The following LHFPL3 variants were observed in gnomAD, a reference collection of about 807,000 sequenced individuals.
LHFPL3 encodes LHFPL tetraspan subfamily member 3 protein.
Under a neutral mutation model 19.3 loss-of-function variants are expected in LHFPL3, and 5 were observed. That is an observed-to-expected ratio of 0.26 (90% CI 0.14 to 0.54). The LOEUF is 0.54. LHFPL3 is among the 20% of genes least tolerant of loss of function. The pLI is 0.94. For synonymous variants in LHFPL3, 133 were observed against 126.2 expected (o/e 1.05, Z -0.36); for missense variants, 249 against 307.4 (o/e 0.81, Z 1.42).
chr7:104,769,494 A>G (rs1794512480), intron 2 of LHFPL3, among the ~76,000 whole-genome samples: 1 of 152,224 alleles, frequency 6.6e-6, no homozygotes. Flanking sequence ...GTTCTGGGGT[A>G]CATGTGCAGA....
At chr7:104,495,571 G>C (rs1462029792) in intron 1 of LHFPL3, among the ~76,000 whole-genome samples, 1 of 152,120 alleles carries the variant, frequency 6.6e-6, no homozygotes, top group East Asian at 1.9e-4. Context: ...TTTTAGTAGA[G>C]ATGGGGTTTC....
intron 1 of LHFPL3, among the ~76,000 whole-genome samples, chr7:104,427,495 A>C (rs549093848): frequency 6.6e-6 from 1 of 152,332 alleles, no homozygotes; most frequent in East Asian, 1.9e-4. Flanking sequence ...CTTCCCTTAA[A>C]GCAGGGCTGA....
chr7:104,776,335 T>C (rs1359972189), intron 2 of LHFPL3, among the ~76,000 whole-genome samples: 2 of 152,220 alleles, frequency 1.3e-5, no homozygotes, highest in East Asian at 3.8e-4. Flanking sequence ...CCCATGGGAC[T>C]CCCCATCCCC....
chr7:104,540,870 C>G (rs183679984), intron 1 of LHFPL3, among the ~76,000 whole-genome samples: 1 of 152,202 alleles, frequency 6.6e-6, no homozygotes, highest in Non-Finnish European at 1.5e-5. Flanking sequence ...CTGTCCATCC[C>G]CACTTCCACT....
intron 1 of LHFPL3, among the ~76,000 whole-genome samples, chr7:104,594,726 T>C (rs1790805188): frequency 6.6e-6 from 1 of 152,212 alleles, no homozygotes; most frequent in Non-Finnish European, 1.5e-5. Context: ...CTTGGAGGCT[T>C]TGTTCATTCC....
chr7:104,626,853 T>C (rs1791554853), intron 1 of LHFPL3, among the ~76,000 whole-genome samples: 1 of 152,178 alleles, frequency 6.6e-6, no homozygotes, highest in South Asian at 2.1e-4. Context: ...ACATCACTTG[T>C]TATTATTTTT....
intron 1 of LHFPL3, among the ~76,000 whole-genome samples, chr7:104,609,936 C>T (rs2115743037): frequency 6.6e-6 from 1 of 152,302 alleles, no homozygotes; most frequent in Admixed American, 6.5e-5. Flanking sequence ...TGAAACTATT[C>T]AAACTATCAA....
chr7:104,619,372 C>G (rs961016355), intron 1 of LHFPL3, among the ~76,000 whole-genome samples: 1 of 152,086 alleles, frequency 6.6e-6, no homozygotes, highest in Non-Finnish European at 1.5e-5. Context: ...TTTAAAACTT[C>G]TAATGTAATG....
At chr7:104,600,393 A>T (rs549548486) in intron 1 of LHFPL3, among the ~76,000 whole-genome samples, 62 of 152,288 alleles carry the variant, frequency 4.1e-4, no homozygotes, top group African/African-American at 1.4e-3. Flanking sequence ...TTTCCATATC[A>T]CTGAGCTAAT....
At chr7:104,413,768 C>G (rs1791573434) in intron 1 of LHFPL3, among the ~76,000 whole-genome samples, 1 of 152,158 alleles carries the variant, frequency 6.6e-6, no homozygotes, top group Non-Finnish European at 1.5e-5. Context: ...CATAGAAATA[C>G]AATCTCACAT....
At chr7:104,677,128 C>T (rs1352146669) in intron 1 of LHFPL3, among the ~76,000 whole-genome samples, 2 of 152,164 alleles carry the variant, frequency 1.3e-5, no homozygotes, top group East Asian at 3.8e-4. Context: ...GTAATCTCAG[C>T]ACTTTGGGAG....
intron 1 of LHFPL3, among the ~76,000 whole-genome samples, chr7:104,479,442 A>G (rs1175985603): frequency 1.3e-5 from 2 of 150,850 alleles, no homozygotes; most frequent in African/African-American, 2.4e-5. Flanking sequence ...CCCACGTTGG[A>G]GTGCAGTGGC....
chr7:104,660,500 G>A (rs4338029), intron 1 of LHFPL3, among the ~76,000 whole-genome samples: 41,492 of 152,094 alleles, frequency 0.27, 6,049 homozygotes, highest in Non-Finnish European at 0.33. Context: ...ACTATGTCAC[G>A]TTGTCTATTT....
chr7:104,778,446 CCA>C (rs1794667170), intron 2 of LHFPL3, among the ~76,000 whole-genome samples: 1 of 152,170 alleles, frequency 6.6e-6, no homozygotes, highest in Non-Finnish European at 1.5e-5. Flanking sequence ...AGAGACTTAC[CCA>C]AGAGGCGTCC....
intron 1 of LHFPL3, among the ~76,000 whole-genome samples, chr7:104,734,521 A>G (rs1793767667): frequency 6.6e-6 from 1 of 152,184 alleles, no homozygotes; most frequent in African/African-American, 2.4e-5. Flanking sequence ...CAGCTACTGA[A>G]GCTTGTGCAT....
chr7:104,431,741 A>G (rs1169677413), intron 1 of LHFPL3, among the ~76,000 whole-genome samples: 1 of 152,190 alleles, frequency 6.6e-6, no homozygotes, highest in Non-Finnish European at 1.5e-5. Context: ...TTAAAAGATT[A>G]CTTTGTCTCT....
chr7:104,645,805 C>T (rs564577838), intron 1 of LHFPL3, among the ~76,000 whole-genome samples: 13 of 151,702 alleles, frequency 8.6e-5, no homozygotes, highest in South Asian at 6.3e-4. Context: ...GGACTACAGG[C>T]GCCCGCCACC....
intron 1 of LHFPL3, among the ~76,000 whole-genome samples, chr7:104,720,547 T>C (rs1383965645): frequency 3.3e-5 from 5 of 152,168 alleles, no homozygotes; most frequent in Non-Finnish European, 7.4e-5. Flanking sequence ...AAATGGGATC[T>C]AATTAAACTA....
At chr7:104,452,448 T>G (rs1275940131) in intron 1 of LHFPL3, among the ~76,000 whole-genome samples, 1 of 152,196 alleles carries the variant, frequency 6.6e-6, no homozygotes, top group Non-Finnish European at 1.5e-5. Flanking sequence ...AAGTGGAGTT[T>G]CTGGGTCCAA....
Sources: allele counts gnomAD v4.1 joint callset (sites outside exome capture counted in the v4.1 genomes callset), GRCh38; gene constraint gnomAD v4.1.1; transcripts MANE v1.5; gene names NCBI Gene and HGNC (gene_info 2026-07-23, HGNC 2026-07-21).